The following FERMT2 variants were observed in gnomAD, a reference collection of about 807,000 sequenced individuals.
FERMT2 encodes the protein fermitin family homolog 2.
Under a neutral mutation model 82.7 loss-of-function variants are expected in FERMT2, and 15 were observed. The observed-to-expected ratio is 0.18, with a 90% confidence interval of 0.12 to 0.28. The LOEUF is 0.28. FERMT2 is among the 10% of genes least tolerant of loss of function. The pLI is 1.00. For missense variants in FERMT2, 645 were observed against 809.4 expected (o/e 0.80, Z 2.46); for synonymous variants, 274 against 271.5 (o/e 1.01, Z -0.09).
Position 52,893,543 on chromosome 14 carries a change from T to A in FERMT2, c.392-116A>T. On this transcript the variant is annotated intron_variant, in intron 3 of 14. Coordinates refer to ENST00000341590, the MANE Select transcript of FERMT2 (RefSeq NM_006832.3). ...AACTTCCTTCTGTATGTCTGAGTTG[T>A]GTCAGACATTGATGTCATGCAAAAC... 4.0e-6 allele frequency: 3 copies of A among 742,580 alleles called. No homozygotes were observed. In the South Asian group the frequency reaches 6.1e-5, roughly 15 times the overall value. The allele number at this position is 742,580 out of a possible 1,614,324, so 46.0% of individuals were successfully genotyped here.
rs971320736 is a variant in FERMT2 at position 52,857,793 on chromosome 14, G to A, written c.*584C>T. 1 of 152,900 alleles carries A rather than the reference G, an allele frequency of 6.5e-6. No individual in the cohort carries two copies. The highest frequency in any genetic ancestry group is 6.5e-5 in the Admixed American group (1 of 15,344). The allele number at this position is 152,900 out of a possible 1,614,324, so 9.5% of individuals were successfully genotyped here. A position where few individuals can be genotyped will look rare whatever the true frequency, so the allele number is the denominator to read the frequency against. On this transcript the variant is annotated 3_prime_UTR_variant, in exon 15 of 15. Transcript: ENST00000341590. ...ATATGGTGTAAAAATAAAAACACGA[G>A]ACAATATACATAACATGCTTATTCA...
At chr14:52,858,795 T>A (rs952101283) in intron 14 of FERMT2, 1 of 396,240 alleles carries the variant, frequency 2.5e-6, no homozygotes, top group Non-Finnish European at 4.6e-6. Context: ...GCAAGGGTTT[T>A]AGGTCGTTCA....
chr14:52,943,028 C>A (rs1039689900), intron 2 of FERMT2, among the ~76,000 whole-genome samples: 9 of 151,994 alleles, frequency 5.9e-5, no homozygotes, highest in Non-Finnish European at 1.2e-4. Context: ...GCCTCGCCAA[C>A]ATGGTGAAAT....
At chr14:52,859,823 T>TC in intron 13 of FERMT2, 109 bp from the exon 14 acceptor site, 3 of 525,068 alleles carry the variant, frequency 5.7e-6, no homozygotes, top group East Asian at 7.7e-5. Flanking sequence ...TACTATTCTT[T>TC]TTTTTTTTTT....
chr14:52,872,657 A>T, intron 10 of FERMT2, 142 bp downstream of exon 10: 1 of 715,056 alleles, frequency 1.4e-6, no homozygotes, highest in East Asian at 2.7e-5. Flanking sequence ...TAAAAGAGAC[A>T]TATCTAAACA....
chr14:52,860,501 A>G (rs371119593), intron 12 of FERMT2, 36 bp from the exon 13 acceptor site: 2 of 1,580,442 alleles, frequency 1.3e-6, no homozygotes, highest in Non-Finnish European at 1.7e-6. Flanking sequence ...ACCATTGAAC[A>G]TTATTCTCTC....
chr14:52,873,282 T>A (rs1010709024), intron 9 of FERMT2, among the ~76,000 whole-genome samples: 8 of 152,248 alleles, frequency 5.3e-5, no homozygotes, highest in Non-Finnish European at 1.0e-4. Flanking sequence ...CTAGATCCTG[T>A]AATTACCTGC....
intron 3 of FERMT2, among the ~76,000 whole-genome samples, chr14:52,918,450 G>A (rs1343860386): frequency 6.6e-6 from 1 of 152,044 alleles, no homozygotes; most frequent in Admixed American, 6.6e-5. Flanking sequence ...AATTTAACAT[G>A]AATAAAAAAC....
intron 3 of FERMT2, among the ~76,000 whole-genome samples, chr14:52,915,232 T>C (rs1257282896): frequency 2.6e-5 from 4 of 152,232 alleles, no homozygotes; most frequent in African/African-American, 7.2e-5. Flanking sequence ...AATGCATGCA[T>C]TTCCAATCAA....
chr14:52,911,791 AAC>A lies in FERMT2; in HGVS notation c.391+7330_391+7331del, dbSNP rs567579471. On this transcript the variant is annotated intron_variant, in intron 3 of 14. Transcript: ENST00000341590. ...ACTTCTGAGGAATATTTATAGCAAT[AAC>A]AGTGTTAAATTATGTATTAAATATG... is the stretch of plus-strand genomic sequence containing the variant. Among the ~76,000 whole-genome samples, 28 of 152,300 alleles carry A rather than the reference AAC, an allele frequency of 1.8e-4. No homozygotes were observed. The South Asian group carries it at 4.8e-3, about 26-fold the overall frequency.
intron 2 of FERMT2, among the ~76,000 whole-genome samples, chr14:52,929,255 A>C (rs191122979): frequency 2.2e-3 from 337 of 152,138 alleles, no homozygotes; most frequent in African/African-American, 8.0e-3. Context: ...AAACTGTCAA[A>C]TCCACTTCCA....
chr14:52,874,295 A>ATAT, intron 8 of FERMT2, 69 bp from the exon 9 acceptor site: 1 of 941,956 alleles, frequency 1.1e-6, no homozygotes, highest in South Asian at 1.8e-5. Context: ...TTGGTATCTG[A>ATAT]TATCAAGAAC....
At chr14:52,883,097 G>C (rs938587289) in intron 4 of FERMT2, among the ~76,000 whole-genome samples, 7 of 152,070 alleles carry the variant, frequency 4.6e-5, no homozygotes, top group African/African-American at 1.2e-4. Flanking sequence ...AGGCTGCAGT[G>C]AGCCAAGATT....
intron 2 of FERMT2, chr14:52,948,725 T>A (rs1890476659): frequency 3.2e-6 from 1 of 311,790 alleles, no homozygotes; most frequent in Non-Finnish European, 6.2e-6. Flanking sequence ...CAATGCAAAA[T>A]AAATATAGAA....
chr14:52,873,017 G>A, intron 9 of FERMT2, 94 bp from the exon 10 acceptor site: 2 of 1,271,790 alleles, frequency 1.6e-6, no homozygotes, highest in East Asian at 2.4e-5. Context: ...TTAAGTCTGG[G>A]GTCAAGTTTT....
intron 10 of FERMT2, among the ~76,000 whole-genome samples, chr14:52,866,646 A>ATGCT (rs1885297373): frequency 6.6e-6 from 1 of 152,164 alleles, no homozygotes; most frequent in African/African-American, 2.4e-5. Flanking sequence ...TGGGCCCTTT[A>ATGCT]TGCTTGCATC....
At chr14:52,886,185 TTACAACATTCAATA>T (rs1218072659) in intron 4 of FERMT2, among the ~76,000 whole-genome samples, 1 of 151,856 alleles carries the variant, frequency 6.6e-6, no homozygotes, top group African/African-American at 2.4e-5. Context: ...AAACACAGAT[TTACAACATTCAATA>T]TTGAGCAGAA....
intron 4 of FERMT2, among the ~76,000 whole-genome samples, 194 bp downstream of exon 4, chr14:52,893,099 C>T (rs537454139): frequency 2.6e-5 from 4 of 152,164 alleles, no homozygotes; most frequent in South Asian, 2.1e-4. Context: ...CGGGTTCAAG[C>T]GATTCTTCTG....
At chr14:52,911,670 A>T (rs1244396321) in intron 3 of FERMT2, among the ~76,000 whole-genome samples, 1 of 151,554 alleles carries the variant, frequency 6.6e-6, no homozygotes, top group Non-Finnish European at 1.5e-5. Flanking sequence ...AAAAAAAAAA[A>T]GCAGGCTGCA....
Sources: gnomAD v4.1 joint callset for allele counts (sites outside exome capture counted in the v4.1 genomes callset) on GRCh38, gnomAD v4.1.1 for gene constraint, MANE v1.5 for transcripts, NCBI Gene and HGNC (gene_info 2026-07-23, HGNC 2026-07-21) for gene names.